ARHGAP9: variants seen among roughly 807,000 people sequenced by gnomAD.
The protein encoded by ARHGAP9 is Rho GTPase activating protein 9, also known as rho GTPase-activating protein 9.
A neutral mutation model predicts 87.3 loss-of-function variants in ARHGAP9; 76 were observed. That is an observed-to-expected ratio of 0.87 (90% CI 0.72 to 1.05). ARHGAP9 has a LOEUF of 1.05. Ranked by LOEUF, ARHGAP9 falls within the 50% of genes least tolerant of loss-of-function variation. The pLI, the probability that ARHGAP9 is intolerant of heterozygous loss-of-function variation, is 0.00. For synonymous variants in ARHGAP9, 382 were observed against 394.9 expected, an observed-to-expected ratio of 0.97 and a Z score of 0.39; for missense variants, 941 against 960.5, an observed-to-expected ratio of 0.98 and a Z score of 0.27.
chr12:57,488,409 ATC>A (rs1190065481), intron 1 of ARHGAP9: 21 of 742,132 alleles, frequency 2.8e-5, no homozygotes, highest in Non-Finnish European at 3.9e-5. Flanking sequence ...CCCTTCCCTT[ATC>A]TCTCTCCTCC....
chr12:57,488,511 G>T, intron 1 of ARHGAP9: 1 of 1,469,344 alleles, frequency 6.8e-7, no homozygotes, highest in Non-Finnish European at 9.3e-7. Context: ...ATCCCCCTCT[G>T]CTCTTTAGTT....
chr12:57,472,642 C>G lies in ARHGAP9; in HGVS notation c.2071G>C (p.Gly691Arg). ...DKNRMTPHNL[G>R]IVFGPTLFRP... ...AACAGGGTTGGTCCAAACACAATTC[C>G]CAGGTTGTGGGGTGTCATGCGATTC... Residue 691 changes from glycine (G) to arginine (R), a missense_variant, in exon 18 of 18, where the codon GGA becomes CGA. Transcript: ENST00000393791. 6.2e-7 allele frequency: 1 copy of G among 1,614,214 alleles called. No homozygotes were observed. Among genetic ancestry groups the G allele is most frequent in the Non-Finnish European group, 8.5e-7 (1 of 1,180,036 alleles).
At chr12:57,475,742 G>A in intron 10 of ARHGAP9, 91 bp downstream of exon 10, 1 of 1,487,650 alleles carries the variant, frequency 6.7e-7, no homozygotes, top group Non-Finnish European at 9.0e-7. Flanking sequence ...AGCCCACCCT[G>A]CCCCCAACTG....
At chr12:57,488,595 C>T (rs1346280495) in intron 1 of ARHGAP9, 1 of 1,551,122 alleles carries the variant, frequency 6.4e-7, no homozygotes, top group East Asian at 2.4e-5. Flanking sequence ...CACACACACA[C>T]GTTCCTTTCT....
chr12:57,475,655 A>G, intron 10 of ARHGAP9, 40 bp from the exon 11 acceptor site: 1 of 1,595,796 alleles, frequency 6.3e-7, no homozygotes. Context: ...GAGAGAGGAG[A>G]GAAATCTGTA....
Position 57,472,326 on chromosome 12 carries a change from G to T in ARHGAP9, c.*191C>A. ...GAGGAATGATAACAGGGAACAAGAA[G>T]AGAAGCAGGGGTTAATCCACTCACT... On this transcript the variant is annotated 3_prime_UTR_variant, in exon 18 of 18. Transcript: ENST00000393791. The T allele has an allele frequency of 1.5e-6, 1 of 675,788 alleles. No individual in the cohort carries two copies. The highest frequency in any genetic ancestry group is 2.4e-6 in the Non-Finnish European group (1 of 416,734). 41.9% of individuals were successfully genotyped at this position (675,788 alleles called of 1,614,324 possible). A position where few individuals can be genotyped will look rare whatever the true frequency, so the allele number is the denominator to read the frequency against.
chr12:57,480,789 T>C, upstream of ARHGAP9: 1 of 1,550,514 alleles, frequency 6.4e-7, no homozygotes, highest in Non-Finnish European at 8.7e-7. Flanking sequence ...TGGCCACTCC[T>C]CTTTTCCTCT....
rs1403420749 is a variant in ARHGAP9, at chr12:57,476,365, C to T, written c.1115G>A (p.Trp372Ter). ...EPPPTAPSSG[W>*]GPAGSRPESS... Reference sequence around the variant, plus strand: ...CCTGCGCCTCTCGCTCACACTCACCCAGCCTGAGGAGGGCGCTGTCGGCGG... The same window carrying T: ...CCTGCGCCTCTCGCTCACACTCACCTAGCCTGAGGAGGGCGCTGTCGGCGG... Residue 372 changes from tryptophan (W) to a stop codon, truncating the protein, a stop_gained and splice_region_variant, in exon 8 of 18, where the codon TGG becomes TAG. Transcript: ENST00000393791. LOFTEE classifies it high-confidence loss of function. The T allele has an allele frequency of 6.2e-7, 1 of 1,613,690 alleles. No homozygotes were observed. Among genetic ancestry groups the T allele is most frequent in the Non-Finnish European group, 8.5e-7 (1 of 1,179,948 alleles).
intron 8 of ARHGAP9, 71 bp from the exon 9 acceptor site, chr12:57,476,237 T>G: frequency 6.7e-7 from 1 of 1,494,038 alleles, no homozygotes; most frequent in Non-Finnish European, 9.0e-7. Context: ...CGGTGGGCTG[T>G]GAGGAGGTGG....
rs1336232306 is a variant in ARHGAP9, at chr12:57,476,589, C to T, written c.1025+1G>A. On this transcript the variant is annotated splice_donor_variant, in intron 7 of 17. Transcript: ENST00000393791. LOFTEE classifies it high-confidence loss of function. The stretch of plus-strand genomic sequence containing the variant: ...GCCCTAGCTGTATTCTGGGTTCTCA[C>T]CTGAGCTTGCGCCCCCCTTGGGCAA... 1.1e-5 allele frequency: 17 copies of T among 1,614,084 alleles called. No individual in the cohort carries two copies. The highest frequency in any genetic ancestry group is 1.4e-5 in the Non-Finnish European group (17 of 1,180,038).
In ARHGAP9 at chr12:57,476,940, G is replaced by A. The variant is rs748275853; in HGVS notation, c.894C>T (p.Arg298=). 1 of 1,613,894 alleles carries A rather than the reference G, an allele frequency of 6.2e-7. No individual in the cohort carries two copies. The highest frequency in any genetic ancestry group is 8.5e-7 in the Non-Finnish European group (1 of 1,179,948). Residue 298 remains arginine, a synonymous_variant, in exon 6 of 18, where the codon CGC becomes CGT. Transcript: ENST00000393791. ...AGGCTGGAGGGTCAAGCTGCGAGGT[G>A]CGTTGGCTGAGGCTGAGTGAACCCT... ...DPQGSLSLSQ[R]TSQLDPPALQ...
chr12:57,477,267 G>T lies in ARHGAP9; in HGVS notation c.759C>A (p.Asn253Lys), dbSNP rs752992045. ...KPPRRSRSET[N>K]PGSMEGTQTL... ...TCTGTGTCCCCTCCATGGAGCCAGG[G>T]TTCTGGGTTAGGGGAGGAGGAAATA... The change falls in exon 5 of 18, where the codon AAC becomes AAA. Residue 253 changes from asparagine to lysine, a missense_variant and splice_region_variant. Physicochemically the swap from Asn to Lys is moderately conservative, Grantham distance 94 (BLOSUM62 0). Transcript: ENST00000393791. 5 of 1,563,544 alleles carry T rather than the reference G, an allele frequency of 3.2e-6. No individual in the cohort carries two copies.
upstream of ARHGAP9, among the ~76,000 whole-genome samples, chr12:57,482,389 C>T (rs548888762): frequency 1.0e-3 from 157 of 152,162 alleles, 1 homozygote; most frequent in South Asian, 2.7e-3. Flanking sequence ...TACAGGTGCC[C>T]GCCACCATGT....
At chr12:57,486,005 C>G (rs1162768904) in intron 1 of ARHGAP9, among the ~76,000 whole-genome samples, 2 of 152,122 alleles carry the variant, frequency 1.3e-5, no homozygotes, top group African/African-American at 4.8e-5. Flanking sequence ...TACATGGCAG[C>G]TCAAAGCTAC....
Position 57,475,313 on chromosome 12 carries a change from C to A in ARHGAP9, c.1530G>T (p.Leu510=). 1 of 1,600,690 alleles carries A rather than the reference C, an allele frequency of 6.2e-7. No individual in the cohort carries two copies. Among genetic ancestry groups the A allele is most frequent in the Non-Finnish European group, 8.5e-7 (1 of 1,173,230 alleles). ...CACCTCGGAGCAGACCCCGCTCCTG[C>A]AGGCTTTGTAAGGGCGGTCTCTTCG... The part of the protein sequence containing the change: ...LIAKRPPLQS[L]QERGLLRDQV... Residue 510 remains leucine (L), a synonymous_variant, in exon 12 of 18, where the codon CTG becomes CTT. Coordinates refer to ENST00000393791, the MANE Select transcript of ARHGAP9 (RefSeq NM_032496.4).
intron 17 of ARHGAP9, among the ~76,000 whole-genome samples, chr12:57,472,893 C>G (rs928727822): frequency 5.3e-5 from 8 of 152,174 alleles, no homozygotes; most frequent in African/African-American, 1.9e-4. Flanking sequence ...ATAACTGCCT[C>G]TTCCGACTTC....
chr12:57,475,194 A>G, intron 12 of ARHGAP9, 97 bp downstream of exon 12: 2 of 1,308,794 alleles, frequency 1.5e-6, no homozygotes, highest in Non-Finnish European at 2.1e-6. Context: ...GTAGTGGGAA[A>G]GCAGCAGTCA....
chr12:57,472,779 G>A lies in ARHGAP9; in HGVS notation c.2025-91C>T, dbSNP rs1467329639. 19 of 1,383,126 alleles carry A rather than the reference G, an allele frequency of 1.4e-5. No homozygotes were observed. The Admixed American group carries it at 3.4e-4, about 24-fold the overall frequency. The allele number at this position is 1,383,126 out of a possible 1,614,324, so 85.7% of individuals were successfully genotyped here. On this transcript the variant is annotated intron_variant, in intron 17 of 17. Transcript: ENST00000393791. ...ACCCTTCAAAGTTCTGAGCAGGGAA[G>A]AGTTCACTCTGGGATTCCTCCACAT...
chr12:57,476,070 C>A lies in ARHGAP9; in HGVS notation c.1212+1G>T. On this transcript the variant is annotated splice_donor_variant, in intron 9 of 17. Coordinates refer to ENST00000393791, the MANE Select transcript of ARHGAP9 (RefSeq NM_032496.4). LOFTEE classifies it high-confidence loss of function. ...TTGGGGACGCGCGGGAGGGCGCTCACGTGCAGGACGTTGCGGCGGCTGGAC... is the reference window on the plus strand; with the variant it reads ...TTGGGGACGCGCGGGAGGGCGCTCAAGTGCAGGACGTTGCGGCGGCTGGAC... The A allele has an allele frequency of 2.0e-6, 3 of 1,527,922 alleles. No individual in the cohort carries two copies. The highest frequency in any genetic ancestry group is 2.8e-5 in the African/African-American group (2 of 72,632). The allele number at this position is 1,527,922 out of a possible 1,614,324, so 94.6% of individuals were successfully genotyped here.
Sources: allele counts gnomAD v4.1 joint callset (sites outside exome capture counted in the v4.1 genomes callset), GRCh38; gene constraint gnomAD v4.1.1; transcripts MANE v1.5; gene names NCBI Gene and HGNC (gene_info 2026-07-23, HGNC 2026-07-21).